CLEC16A: variants seen among roughly 807,000 people sequenced by gnomAD.
CLEC16A encodes protein CLEC16A.
A neutral mutation model predicts 109.5 loss-of-function variants in CLEC16A; 51 were observed. The observed-to-expected ratio is 0.47, with a 90% confidence interval of 0.37 to 0.59. The LOEUF (loss-of-function observed/expected upper bound fraction) is 0.59, where lower values mean the gene tolerates loss of function less well. Ranked by LOEUF, CLEC16A falls within the 20% of genes least tolerant of loss-of-function variation. CLEC16A has a pLI of 0.00. For missense variants in CLEC16A, 1,339 were observed against 1,394.0 expected (o/e 0.96, Z 0.63); for synonymous variants, 673 against 564.2 (o/e 1.19, Z -2.73).
intron 19 of CLEC16A, among the ~76,000 whole-genome samples, chr16:11,062,093 T>G (rs908501142): frequency 2.0e-5 from 3 of 152,094 alleles, no homozygotes; most frequent in Non-Finnish European, 4.4e-5. Context: ...CAGAGGAATG[T>G]GACTCACTGA....
At chr16:11,050,992 C>T (rs548762465) in intron 17 of CLEC16A, among the ~76,000 whole-genome samples, 3 of 152,350 alleles carry the variant, frequency 2.0e-5, no homozygotes, top group African/African-American at 4.8e-5. Context: ...CATTTTTCTG[C>T]TTCTCTGAGA....
At chr16:10,985,916 G>C (rs2043619293) in intron 10 of CLEC16A, among the ~76,000 whole-genome samples, 1 of 150,932 alleles carries the variant, frequency 6.6e-6, no homozygotes, top group Non-Finnish European at 1.5e-5. Flanking sequence ...ATGTTGGCCA[G>C]GCTGCTCTTG....
intron 1 of CLEC16A, among the ~76,000 whole-genome samples, chr16:10,948,097 G>T (rs183205033): frequency 3.5e-3 from 539 of 152,248 alleles, no homozygotes; most frequent in Non-Finnish European, 5.6e-3. Context: ...GTTTCACCGT[G>T]TTAGCCAGGA....
At chr16:11,097,305 C>T (rs935278345) in intron 19 of CLEC16A, among the ~76,000 whole-genome samples, 1 of 152,276 alleles carries the variant, frequency 6.6e-6, no homozygotes, top group African/African-American at 2.4e-5. Context: ...GAGTAAATGC[C>T]TCACATCCCT....
chr16:11,010,936 G>A (rs2045370179), intron 11 of CLEC16A, among the ~76,000 whole-genome samples: 1 of 152,126 alleles, frequency 6.6e-6, no homozygotes, highest in African/African-American at 2.4e-5. Flanking sequence ...CTTGTGATTA[G>A]ACTGAGATTA....
chr16:11,006,442 A>G (rs940391966), intron 11 of CLEC16A, among the ~76,000 whole-genome samples: 3 of 152,154 alleles, frequency 2.0e-5, no homozygotes, highest in African/African-American at 7.2e-5. Context: ...TGAGATAGAC[A>G]TGCGGCTCTT....
At chr16:11,078,760 C>T (rs910520853) in intron 19 of CLEC16A, among the ~76,000 whole-genome samples, 10 of 152,130 alleles carry the variant, frequency 6.6e-5, no homozygotes, top group East Asian at 1.9e-4. Flanking sequence ...CTTTGAGGGG[C>T]GCTCAAGGGA....
At chr16:11,034,342 T>A (rs1597137054) in intron 13 of CLEC16A, among the ~76,000 whole-genome samples, 2 of 152,356 alleles carry the variant, frequency 1.3e-5, no homozygotes, top group South Asian at 4.1e-4. Flanking sequence ...TTTAAAAAGT[T>A]TGAACTGTTT....
intron 19 of CLEC16A, among the ~76,000 whole-genome samples, chr16:11,095,394 C>T (rs1295998169): frequency 6.6e-6 from 1 of 152,184 alleles, no homozygotes; most frequent in Non-Finnish European, 1.5e-5. Context: ...TCACCTTGAT[C>T]AGTCCTGACA....
intron 7 of CLEC16A, among the ~76,000 whole-genome samples, chr16:10,975,284 G>A (rs1419176880): frequency 1.3e-5 from 2 of 152,154 alleles, no homozygotes; most frequent in South Asian, 2.1e-4. Context: ...AGCTGAGATC[G>A]CACCACTGCA....
chr16:11,164,506 C>G (rs960392032), intron 22 of CLEC16A, among the ~76,000 whole-genome samples: 4 of 152,172 alleles, frequency 2.6e-5, no homozygotes, highest in African/African-American at 9.7e-5. Context: ...CAGGGACTTG[C>G]CCAAGGTCCC....
At position 11,093,100 on chromosome 16, in the gene CLEC16A, G is replaced by C. The variant is rs79914869; in HGVS notation, c.2117-27515G>C. ...TACCCCCCACCACCTCCACTTCCCT[G>C]CTGGCTCCTACAGCCTTTGCACCCC... is the stretch of plus-strand genomic sequence containing the variant. On this transcript the variant is annotated intron_variant, in intron 19 of 23. Transcript: ENST00000409790. Among the ~76,000 whole-genome samples the C allele has an allele frequency of 4.4e-3, 677 of 152,292 alleles. 5 individuals carry two copies. The highest frequency in any genetic ancestry group is 0.031 in the Middle Eastern group (9 of 292).
intron 10 of CLEC16A, among the ~76,000 whole-genome samples, chr16:10,998,068 A>C (rs1271707247): frequency 2.6e-5 from 4 of 152,238 alleles, no homozygotes; most frequent in African/African-American, 7.2e-5. Flanking sequence ...TGCCCTTTGC[A>C]GTTTCTGCAC....
chr16:11,165,444 A>G (rs2068216867), intron 22 of CLEC16A, among the ~76,000 whole-genome samples: 1 of 152,154 alleles, frequency 6.6e-6, no homozygotes, highest in African/African-American at 2.4e-5. Flanking sequence ...GTGAGCTGAG[A>G]TCACACCGCT....
chr16:11,008,055 C>T (rs1420251805), intron 11 of CLEC16A, among the ~76,000 whole-genome samples: 1 of 152,172 alleles, frequency 6.6e-6, no homozygotes, highest in Non-Finnish European at 1.5e-5. Context: ...GCCCCCAGTA[C>T]TTAGAGCACT....
At chr16:11,023,683 C>G (rs142898257) in intron 12 of CLEC16A, among the ~76,000 whole-genome samples, 2,241 of 151,176 alleles carry the variant, frequency 0.015, 37 homozygotes, top group South Asian at 0.032. Flanking sequence ...AAATTCAAAA[C>G]TGTGTCAAAG....
intron 9 of CLEC16A, 56 bp downstream of exon 9, chr16:10,979,438 A>G: frequency 6.6e-7 from 1 of 1,510,900 alleles, no homozygotes; most frequent in South Asian, 1.2e-5. Context: ...TTGGCGTGCC[A>G]CTGCCTTGAA....
At position 11,174,053 on chromosome 16, in the gene CLEC16A, C is replaced by G. The variant is rs1438185575; in HGVS notation, c.2807-4282C>G. The G allele has an allele frequency of 1.3e-5, 5 of 398,188 alleles. No individual in the cohort carries two copies. The highest frequency in any genetic ancestry group is 5.3e-6 in the Non-Finnish European group (1 of 190,250). 24.7% of individuals were successfully genotyped at this position (398,188 alleles called of 1,614,324 possible). A position where few individuals can be genotyped will look rare whatever the true frequency, so the allele number is the denominator to read the frequency against. On this transcript the variant is annotated intron_variant, in intron 23 of 23. Transcript: ENST00000409790. The surrounding 1 kb of genome is among the most constrained non-coding windows in gnomAD (Gnocchi z 4.7). ...CTGCCCCACGACCCTCGCCCCTCGT[C>G]AGTGCTCAGCGTCCGCTGCTGCTCA...
chr16:11,072,150 C>T (rs1222097343), intron 19 of CLEC16A, among the ~76,000 whole-genome samples: 2 of 152,124 alleles, frequency 1.3e-5, no homozygotes, highest in African/African-American at 4.8e-5. Context: ...GAGACGGGAT[C>T]TCGTTCTGTC....
Sources: gnomAD v4.1 joint callset for allele counts (sites outside exome capture counted in the v4.1 genomes callset) on GRCh38, gnomAD v4.1.1 for gene constraint, Gnocchi (gnomAD v3.1) non-coding constraint, MANE v1.5 for transcripts, NCBI Gene and HGNC (gene_info 2026-07-23, HGNC 2026-07-21) for gene names.